IL18RAP: variants seen among roughly 807,000 people sequenced by gnomAD.
IL18RAP encodes interleukin 18 receptor accessory protein.
IL18RAP carries 37 observed loss-of-function variants against 58.1 expected under a neutral mutation model. The observed-to-expected ratio is 0.64, with a 90% CI of 0.49 to 0.84. IL18RAP has a LOEUF of 0.84. Ranked by LOEUF, IL18RAP falls within the 40% of genes least tolerant of loss-of-function variation. IL18RAP has a pLI of 0.00. For synonymous variants in IL18RAP, 268 were observed against 257.5 expected (o/e 1.04, Z -0.39); for missense variants, 667 against 704.8 (o/e 0.95, Z 0.61).
chr2:102,445,110 G>A, intron 6 of IL18RAP, 79 bp from the exon 7 acceptor site: 1 of 1,324,706 alleles, frequency 7.5e-7, no homozygotes, highest in Non-Finnish European at 1.1e-6. Context: ...ACTGTTGGCT[G>A]CTTATACGTG....
intron 4 of IL18RAP, chr2:102,439,379 A>C (rs896721966): frequency 6.6e-6 from 1 of 152,390 alleles, no homozygotes; most frequent in Admixed American, 6.5e-5. Context: ...TAAGAGGTAC[A>C]TTTAAAGGAT....
chr2:102,428,087 GT>G (rs1265696526), intron 3 of IL18RAP, among the ~76,000 whole-genome samples: 1 of 150,752 alleles, frequency 6.6e-6, no homozygotes, highest in Non-Finnish European at 1.5e-5. Context: ...GTACCATGCT[GT>G]TTTGATTTAA....
At chr2:102,427,560 G>C (rs990476659) in intron 3 of IL18RAP, among the ~76,000 whole-genome samples, 3 of 151,906 alleles carry the variant, frequency 2.0e-5, no homozygotes, top group Non-Finnish European at 4.4e-5. Context: ...TTTTTAAAAT[G>C]GGCTATTTGT....
chr2:102,450,849 T>C lies in IL18RAP; in HGVS notation c.1212T>C (p.Asp404=). Residue 404 remains aspartate (D), a splice_region_variant and synonymous_variant, in exon 9 of 10, where the codon GAT becomes GAC. Transcript: ENST00000687160. ...TTTATAAATTTTCCTATTCTTCAGA[T>C]AAAAAGGATTTTGATGCTTTCGTAT... is the stretch of plus-strand genomic sequence containing the variant. ...TYQSKDQTLG[D]KKDFDAFVSY... The C allele has an allele frequency of 1.9e-6, 3 of 1,575,146 alleles. No individual in the cohort carries two copies. The highest frequency in any genetic ancestry group is 2.6e-6 in the Non-Finnish European group (3 of 1,164,876).
rs776069610 is a variant in IL18RAP, at chr2:102,447,123, G to C, written c.1126G>C (p.Ala376Pro). 6.2e-7 allele frequency: 1 copy of C among 1,614,128 alleles called. No individual in the cohort carries two copies. Among genetic ancestry groups the C allele is most frequent in the South Asian group, 1.1e-5 (1 of 91,084 alleles). The change falls in exon 8 of 10, where the codon GCG becomes CCG. Residue 376 changes from alanine (A) to proline (P), a missense_variant. Physicochemically the swap from Ala to Pro is conservative, Grantham distance 27. Transcript: ENST00000687160. The stretch of plus-strand genomic sequence containing the variant: ...CATCGGGACCCTGGTGGCCGTGCTG[G>C]CGGCGAGTGCCCTCCTCTACAGGCA... The part of the protein sequence containing the change: ...GTIGTLVAVL[A>P]ASALLYRHWI...
At position 102,423,308 on chromosome 2, in the gene IL18RAP, C is replaced by A; in HGVS notation, c.31C>A (p.Leu11Ile). Residue 11 changes from leucine to isoleucine, a missense_variant, in exon 1 of 10, where the codon CTT becomes ATT. By Grantham distance (5) the Leu-to-Ile change is conservative (BLOSUM62 2). Transcript: ENST00000687160. Reference sequence around the variant, plus strand: ...CTGTTTGGGCTGGATATTTCTTTGGCTTGTTGCAGGAGAGCGAATTAAAGG... The same window carrying A: ...CTGTTTGGGCTGGATATTTCTTTGGATTGTTGCAGGAGAGCGAATTAAAGG... MLCLGWIFLW[L>I]VAGERIKGFN... 6.2e-7 allele frequency: 1 copy of A among 1,614,062 alleles called. No homozygotes were observed. The highest frequency in any genetic ancestry group is 8.5e-7 in the Non-Finnish European group (1 of 1,179,956).
At chr2:102,449,545 CCA>C (rs1329290909) in intron 8 of IL18RAP, among the ~76,000 whole-genome samples, 1 of 152,114 alleles carries the variant, frequency 6.6e-6, no homozygotes, top group Admixed American at 6.5e-5. Flanking sequence ...GAGGCAGAAT[CCA>C]GTTTTCAAGC....
intron 3 of IL18RAP, among the ~76,000 whole-genome samples, chr2:102,431,786 A>G (rs1682381101): frequency 9.7e-6 from 1 of 103,210 alleles, no homozygotes; most frequent in Non-Finnish European, 1.9e-5. Context: ...TTTTTTTTCT[A>G]TTTCTCTATT....
chr2:102,446,898 T>C (rs1183339462), intron 7 of IL18RAP, among the ~76,000 whole-genome samples, 172 bp from the exon 8 acceptor site: 1 of 152,112 alleles, frequency 6.6e-6, no homozygotes, highest in African/African-American at 2.4e-5. Context: ...TAGTATTCCA[T>C]GGTGTGATTT....
intron 5 of IL18RAP, 61 bp from the exon 6 acceptor site, chr2:102,443,139 A>G (rs1478245864): frequency 2.6e-6 from 4 of 1,542,074 alleles, no homozygotes; most frequent in Non-Finnish European, 3.5e-6. Flanking sequence ...TTCCTCCCAG[A>G]TGTAGGACAA....
intron 3 of IL18RAP, among the ~76,000 whole-genome samples, chr2:102,436,807 G>A (rs1213140219): frequency 1.5e-5 from 2 of 137,880 alleles, no homozygotes; most frequent in Admixed American, 7.0e-5. Context: ...GTATATATAT[G>A]TGTGTGTGTG....
chr2:102,435,599 T>C (rs1218235526), intron 3 of IL18RAP, among the ~76,000 whole-genome samples: 1 of 152,074 alleles, frequency 6.6e-6, no homozygotes, highest in African/African-American at 2.4e-5. Context: ...ATGCAGGTCT[T>C]TGGAGTCCTC....
chr2:102,433,142 A>C (rs1401843471), intron 3 of IL18RAP, among the ~76,000 whole-genome samples: 1 of 152,068 alleles, frequency 6.6e-6, no homozygotes, highest in Non-Finnish European at 1.5e-5. Flanking sequence ...GTTTAAGACA[A>C]TCTCACTCAT....
At chr2:102,446,455 C>T (rs1004369609) in intron 7 of IL18RAP, among the ~76,000 whole-genome samples, 7 of 152,108 alleles carry the variant, frequency 4.6e-5, no homozygotes, top group African/African-American at 1.7e-4. Flanking sequence ...TCACTCCCCT[C>T]CCACCCTTCT....
At chr2:102,426,440 A>T (rs1429975212) in intron 3 of IL18RAP, among the ~76,000 whole-genome samples, 1 of 148,930 alleles carries the variant, frequency 6.7e-6, no homozygotes, top group African/African-American at 2.5e-5. Flanking sequence ...AATTTTTTTC[A>T]ACTTCTTTAT....
chr2:102,429,293 T>A (rs1162989907), intron 3 of IL18RAP, among the ~76,000 whole-genome samples: 1 of 151,992 alleles, frequency 6.6e-6, no homozygotes. Context: ...TATGATCCAA[T>A]CTTGGTAGGT....
upstream of IL18RAP, among the ~76,000 whole-genome samples, chr2:102,422,723 A>G (rs1242423910): frequency 1.3e-5 from 2 of 152,176 alleles, no homozygotes; most frequent in Admixed American, 1.3e-4. Context: ...AGGGAGAGGT[A>G]GGTGGCCTCT....
chr2:102,450,062 T>C (rs1359597226), intron 8 of IL18RAP, among the ~76,000 whole-genome samples: 1 of 152,168 alleles, frequency 6.6e-6, no homozygotes, highest in African/African-American at 2.4e-5. Flanking sequence ...TTTGTAACAA[T>C]ACTTTGACAG....
At chr2:102,420,084 G>T (rs1217097099), upstream of IL18RAP, among the ~76,000 whole-genome samples, 1 of 152,164 alleles carries the variant, frequency 6.6e-6, no homozygotes, top group Admixed American at 6.5e-5. Context: ...GCCTTCAAAA[G>T]GTAGATATTA....
Sources: allele counts gnomAD v4.1 joint callset (sites outside exome capture counted in the v4.1 genomes callset), GRCh38; gene constraint gnomAD v4.1.1; transcripts MANE v1.5; gene names NCBI Gene and HGNC (gene_info 2026-07-23, HGNC 2026-07-21).